Variants in WWOX observed in about 807,000 individuals in gnomAD.
WWOX encodes WW domain-containing oxidoreductase.
WWOX carries 69 observed loss-of-function variants against 46.2 expected under a neutral mutation model. The ratio of observed to expected loss-of-function variants is 1.49; its 90% CI spans 1.23 to 1.82. The LOEUF is 1.82. Ranked by LOEUF, WWOX falls within the 40% of genes most tolerant of loss-of-function variation. The pLI, the probability that WWOX is intolerant of heterozygous loss-of-function variation, is 0.00. For missense variants in WWOX, 919 were observed against 542.6 expected (o/e 1.69, Z -6.89); for synonymous variants, 359 against 202.6 (o/e 1.77, Z -6.56).
chr16:78,670,537 G>A (rs1417867332), intron 8 of WWOX, among the ~76,000 whole-genome samples: 1 of 152,078 alleles, frequency 6.6e-6, no homozygotes, highest in East Asian at 1.9e-4. Context: ...TAGGTACACA[G>A]GCTTCAGAGT....
chr16:78,527,913 C>CA (rs1316451254), intron 8 of WWOX, among the ~76,000 whole-genome samples: 3 of 150,840 alleles, frequency 2.0e-5, no homozygotes, highest in Non-Finnish European at 2.9e-5. Context: ...CACAAAATAT[C>CA]AGCAGTGCCC....
chr16:78,349,932 T>A lies in WWOX; in HGVS notation c.517-36928T>A, dbSNP rs1476546779. 2.5e-5 allele frequency among the ~76,000 whole-genome samples: 3 copies of A among 121,104 alleles called. 1 individual carries two copies. The highest frequency in any genetic ancestry group is 5.9e-5 in the Non-Finnish European group (3 of 50,742). The allele number at this position is 121,104 out of a possible 152,430, so 79.4% of individuals were successfully genotyped here. ...AACATTTCGGTTTGTGTTATGGAAG[T>A]GTTCTCTCTTCTATGAATTACCTAA... On this transcript the variant is annotated intron_variant, in intron 5 of 8. Coordinates refer to ENST00000566780, the MANE Select transcript of WWOX (RefSeq NM_016373.4).
At chr16:79,015,605 A>G (rs1296000134) in intron 8 of WWOX, among the ~76,000 whole-genome samples, 1 of 152,088 alleles carries the variant, frequency 6.6e-6, no homozygotes, top group Non-Finnish European at 1.5e-5. Context: ...TTCCATATTC[A>G]TATCTGCAAC....
At chr16:78,589,274 G>C (rs921733965) in intron 8 of WWOX, among the ~76,000 whole-genome samples, 1 of 152,184 alleles carries the variant, frequency 6.6e-6, no homozygotes, top group African/African-American at 2.4e-5. Flanking sequence ...AAACAAAATA[G>C]AAAAGCACAA....
Position 78,858,472 on chromosome 16 carries a change from T to TA in WWOX, c.1057-353127dup, listed in dbSNP as rs563094271. Among the ~76,000 whole-genome samples, 200 of 151,212 alleles carry TA rather than the reference T, an allele frequency of 1.3e-3. 1 individual carries two copies. The East Asian group carries it at 0.02, about 15-fold the overall frequency. On this transcript the variant is annotated intron_variant, in intron 8 of 8. Coordinates refer to ENST00000566780, the MANE Select transcript of WWOX (RefSeq NM_016373.4). Reference sequence around the variant, plus strand: ...AATAATACATGTATTATCATGTCTTTAAAAAAAAACTATACACATAGCTGA... The same window carrying TA: ...AATAATACATGTATTATCATGTCTTTAAAAAAAAAACTATACACATAGCTGA...
chr16:78,144,011 G>A (rs988156980), intron 4 of WWOX, among the ~76,000 whole-genome samples: 32 of 152,008 alleles, frequency 2.1e-4, no homozygotes, highest in African/African-American at 7.7e-4. Context: ...TACACATGAA[G>A]GTCTTGACAA....
intron 8 of WWOX, among the ~76,000 whole-genome samples, chr16:78,487,701 C>T (rs1236511405): frequency 6.6e-6 from 1 of 152,124 alleles, no homozygotes; most frequent in East Asian, 1.9e-4. Context: ...ATAATAAAAA[C>T]ATGTCTCCAG....
intron 8 of WWOX, among the ~76,000 whole-genome samples, chr16:78,711,149 T>C (rs1327885325): frequency 1.3e-5 from 2 of 152,190 alleles, no homozygotes; most frequent in Non-Finnish European, 1.5e-5. Flanking sequence ...CTTCTTTGTG[T>C]CCTCTCTGTT....
chr16:79,113,089 CAG>C (rs1318383016), intron 8 of WWOX, among the ~76,000 whole-genome samples: 1 of 152,118 alleles, frequency 6.6e-6, no homozygotes, highest in Non-Finnish European at 1.5e-5. Context: ...TCTGGTGGAA[CAG>C]AGAGATTAAG....
intron 8 of WWOX, among the ~76,000 whole-genome samples, chr16:78,939,136 C>T (rs548753389): frequency 6.6e-6 from 1 of 152,224 alleles, no homozygotes; most frequent in Non-Finnish European, 1.5e-5. Context: ...GACTTGGGCT[C>T]GAAGTCACGT....
intron 8 of WWOX, among the ~76,000 whole-genome samples, chr16:78,474,299 A>G (rs981013939): frequency 6.6e-6 from 1 of 152,172 alleles, no homozygotes; most frequent in Non-Finnish European, 1.5e-5. Flanking sequence ...TGCCTTAGGA[A>G]TCCCCTGCTT....
intron 8 of WWOX, chr16:78,780,488 G>T (rs4887986): frequency 0.32 from 48,501 of 152,096 alleles, 8,183 homozygotes; most frequent in South Asian, 0.38. Context: ...CTTCCGTGAT[G>T]CGGGGGAAGA....
intron 8 of WWOX, among the ~76,000 whole-genome samples, chr16:78,878,982 G>A (rs1229705582): frequency 1.3e-5 from 2 of 151,150 alleles, no homozygotes; most frequent in African/African-American, 2.4e-5. Flanking sequence ...TGGGAGGATC[G>A]CTTGAGCCCA....
At chr16:78,570,670 A>G (rs1233856357) in intron 8 of WWOX, among the ~76,000 whole-genome samples, 1 of 152,160 alleles carries the variant, frequency 6.6e-6, no homozygotes, top group African/African-American at 2.4e-5. Flanking sequence ...AAGCTTCTGA[A>G]GACACAAAGG....
Position 79,164,184 on chromosome 16 carries a change from A to T in WWOX, c.1057-47424A>T, listed in dbSNP as rs138136301. On this transcript the variant is annotated intron_variant, in intron 8 of 8. Transcript: ENST00000566780. ...TAGAAAAATATAAATCAATACTTTC[A>T]TGTCTGTTTGACGTGTTTGGGAGCT... is the stretch of plus-strand genomic sequence containing the variant. Among the ~76,000 whole-genome samples, 546 of 152,296 alleles carry T rather than the reference A, an allele frequency of 3.6e-3. 4 individuals carry two copies. The highest frequency in any genetic ancestry group is 0.012 in the African/African-American group (519 of 41,584).
chr16:78,311,082 A>G (rs2080233555), intron 5 of WWOX, among the ~76,000 whole-genome samples: 2 of 152,204 alleles, frequency 1.3e-5, no homozygotes, highest in African/African-American at 2.4e-5. Context: ...GCTATGGGGT[A>G]CAGATGTGGG....
chr16:78,202,498 C>A (rs767816896), intron 5 of WWOX, among the ~76,000 whole-genome samples: 19 of 151,494 alleles, frequency 1.3e-4, no homozygotes. Context: ...GCCATGTAGA[C>A]CTCGGTTGTA....
rs538341734 is a variant in WWOX at position 78,355,475 on chromosome 16, A to G, written c.517-31385A>G. 2.2e-4 allele frequency: 70 copies of G among 324,678 alleles called. 1 individual carries two copies. The highest frequency in any genetic ancestry group is 3.0e-4 in the Non-Finnish European group (49 of 163,368). 20.1% of individuals were successfully genotyped at this position (324,678 alleles called of 1,614,324 possible). On this transcript the variant is annotated intron_variant, in intron 5 of 8. Coordinates refer to ENST00000566780, the MANE Select transcript of WWOX (RefSeq NM_016373.4). ...AAATTAGCCTGGCGTGGTGGCGGGC[A>G]CCTGTAGTCCCAGCTACTCGGGAGG...
At chr16:78,361,472 T>G (rs1440012422) in intron 5 of WWOX, among the ~76,000 whole-genome samples, 7 of 152,204 alleles carry the variant, frequency 4.6e-5, no homozygotes, top group Non-Finnish European at 5.9e-5. Flanking sequence ...ATGCTGACTT[T>G]CTATTGTTGG....
Sources: allele counts gnomAD v4.1 joint callset (sites outside exome capture counted in the v4.1 genomes callset), GRCh38; gene constraint gnomAD v4.1.1; transcripts MANE v1.5; gene names NCBI Gene and HGNC (gene_info 2026-07-23, HGNC 2026-07-21).